The following MEI4 variants were observed in gnomAD, a reference collection of about 807,000 sequenced individuals.
MEI4 encodes meiotic double-stranded break formation protein 4.
MEI4 carries 27 observed loss-of-function variants against 31.4 expected under a neutral mutation model. The observed-to-expected ratio is 0.86, with a 90% CI of 0.63 to 1.19. The LOEUF is 1.19. Among genes scored for constraint, MEI4 ranks in the 50% most tolerant of loss-of-function variants. MEI4 has a pLI of 0.00. For synonymous variants in MEI4, 122 were observed against 145.4 expected (o/e 0.84, Z 1.16); for missense variants, 329 against 398.9 (o/e 0.82, Z 1.49).
chr6:77,910,515 T>C (rs1418162828), intron 4 of MEI4, among the ~76,000 whole-genome samples: 1 of 152,120 alleles, frequency 6.6e-6, no homozygotes, highest in African/African-American at 2.4e-5. Context: ...AAGGACCTCT[T>C]CAAGGAGAAC....
At chr6:77,745,412 AG>A (rs1183959370) in intron 2 of MEI4, among the ~76,000 whole-genome samples, 3 of 152,244 alleles carry the variant, frequency 2.0e-5, no homozygotes, top group Non-Finnish European at 4.4e-5. Context: ...TTCAACAAAA[AG>A]AGCTAACTAT....
chr6:77,707,715 G>A (rs913707751), intron 2 of MEI4, among the ~76,000 whole-genome samples: 3 of 152,178 alleles, frequency 2.0e-5, no homozygotes, highest in Non-Finnish European at 4.4e-5. Context: ...TCAGGCCCAG[G>A]GCTCTGCTGC....
intron 4 of MEI4, among the ~76,000 whole-genome samples, chr6:77,897,935 GGAGA>G (rs991422636): frequency 2.0e-5 from 3 of 151,848 alleles, no homozygotes; most frequent in African/African-American, 7.3e-5. Flanking sequence ...TAGGTTATGG[GGAGA>G]GAGAGAGAAT....
At chr6:77,821,871 G>T (rs1196071181) in intron 3 of MEI4, among the ~76,000 whole-genome samples, 1 of 143,130 alleles carries the variant, frequency 7.0e-6, no homozygotes, top group Non-Finnish European at 1.5e-5. Context: ...GGGGTGATTT[G>T]TGCTGGCACA....
At chr6:77,843,126 A>C (rs1426157391) in intron 4 of MEI4, among the ~76,000 whole-genome samples, 1 of 151,736 alleles carries the variant, frequency 6.6e-6, no homozygotes, top group Admixed American at 6.6e-5. Flanking sequence ...TGATGTCTCA[A>C]AATGTAGAGT....
At chr6:77,668,091 C>T (rs1768671708) in intron 1 of MEI4, among the ~76,000 whole-genome samples, 1 of 150,806 alleles carries the variant, frequency 6.6e-6, no homozygotes, top group Non-Finnish European at 1.5e-5. Flanking sequence ...CTGATTATGT[C>T]CACCACCAAA....
At chr6:77,790,527 C>G (rs1475144037) in intron 3 of MEI4, among the ~76,000 whole-genome samples, 1 of 151,778 alleles carries the variant, frequency 6.6e-6, no homozygotes, top group East Asian at 1.9e-4. Flanking sequence ...ACTTATGTAG[C>G]AAACCTGCAC....
At chr6:77,709,665 T>C (rs1276337734) in intron 2 of MEI4, among the ~76,000 whole-genome samples, 1 of 152,210 alleles carries the variant, frequency 6.6e-6, no homozygotes, top group Non-Finnish European at 1.5e-5. Context: ...TCCTTTGATA[T>C]TCTAATAAAA....
chr6:77,694,168 T>A (rs1005074164), intron 2 of MEI4, among the ~76,000 whole-genome samples: 1 of 152,100 alleles, frequency 6.6e-6, no homozygotes, highest in Admixed American at 6.6e-5. Flanking sequence ...ATAATCATGT[T>A]ATGCTAAACA....
At chr6:77,656,412 A>G (rs1298980363) in intron 1 of MEI4, among the ~76,000 whole-genome samples, 1 of 152,022 alleles carries the variant, frequency 6.6e-6, no homozygotes, top group East Asian at 1.9e-4. Context: ...ATTGTTTATG[A>G]TCCATTCCTT....
At chr6:77,893,748 G>GC (rs1229393211) in intron 4 of MEI4, among the ~76,000 whole-genome samples, 1 of 152,148 alleles carries the variant, frequency 6.6e-6, no homozygotes, top group African/African-American at 2.4e-5. Flanking sequence ...AGCCACTAAT[G>GC]CAAGAAAGCT....
At position 77,811,509 on chromosome 6, in the gene MEI4, A is replaced by G. The variant is rs116137384; in HGVS notation, c.769-17422A>G. Among the ~76,000 whole-genome samples, 536 of 152,250 alleles carry G rather than the reference A, an allele frequency of 3.5e-3. 3 individuals are homozygous for G. The highest frequency in any genetic ancestry group is 0.013 in the African/African-American group (522 of 41,550). The stretch of plus-strand genomic sequence containing the variant: ...CCATGTTAGAAGTAAATCTTAATGT[A>G]TTTTAACATTTTGATGCCAGCACTT... On this transcript the variant is annotated intron_variant, in intron 3 of 4. Transcript: ENST00000684080.
chr6:77,694,480 T>C (rs920682507), intron 2 of MEI4, among the ~76,000 whole-genome samples: 1 of 151,486 alleles, frequency 6.6e-6, no homozygotes, highest in African/African-American at 2.4e-5. Flanking sequence ...TTCTCATTGT[T>C]CAATTCCCAC....
At chr6:77,787,004 T>A (rs1292496316) in intron 3 of MEI4, among the ~76,000 whole-genome samples, 1 of 152,190 alleles carries the variant, frequency 6.6e-6, no homozygotes, top group African/African-American at 2.4e-5. Flanking sequence ...TTGACAACAC[T>A]GGACGCACAG....
intron 2 of MEI4, among the ~76,000 whole-genome samples, chr6:77,755,795 G>T (rs1185267002): frequency 2.6e-5 from 4 of 151,182 alleles, no homozygotes; most frequent in Non-Finnish European, 4.4e-5. Context: ...TAAAAAACAT[G>T]AAACAATATG....
Position 77,761,347 on chromosome 6 carries a change from C to T in MEI4, c.450C>T (p.His150=). 8.1e-7 allele frequency: 1 copy of T among 1,232,534 alleles called. No homozygotes were observed. The highest frequency in any genetic ancestry group is 1.0e-6 in the Non-Finnish European group (1 of 988,038). The allele number at this position is 1,232,534 out of a possible 1,614,324, so 76.3% of individuals were successfully genotyped here. A position where few individuals can be genotyped will look rare whatever the true frequency, so the allele number is the denominator to read the frequency against. The change falls in exon 3 of 5, where the codon CAC becomes CAT. Residue 150 remains histidine, a synonymous_variant. Coordinates refer to ENST00000684080, the MANE Select transcript of MEI4 (RefSeq NM_001322247.2). ...CAILQNPLSS[H]MQFLQYLLEL... ...TCCTGCAAAATCCTTTGTCTTCTCA[C>T]ATGCAATTCTTGCAATATCTACTTG...
chr6:77,797,342 C>T (rs1168072278), intron 3 of MEI4, among the ~76,000 whole-genome samples: 1 of 152,140 alleles, frequency 6.6e-6, no homozygotes, highest in Non-Finnish European at 1.5e-5. Flanking sequence ...AGTGGGACTG[C>T]ATCAACCTAA....
At chr6:77,735,002 C>T (rs1485381320) in intron 2 of MEI4, among the ~76,000 whole-genome samples, 1 of 152,010 alleles carries the variant, frequency 6.6e-6, no homozygotes, top group Non-Finnish European at 1.5e-5. Flanking sequence ...GCCGAGAGAT[C>T]CGCTGTTAGT....
At chr6:77,883,745 A>ATATATATATCTATCTAT (rs55947073) in intron 4 of MEI4, among the ~76,000 whole-genome samples, 36 of 82,310 alleles carry the variant, frequency 4.4e-4, no homozygotes, top group African/African-American at 1.6e-3. Flanking sequence ...TATATATATA[A>ATATATATATCTATCTAT]CTTTGTCTTT....
Sources: gnomAD v4.1 joint callset for allele counts (sites outside exome capture counted in the v4.1 genomes callset) on GRCh38, gnomAD v4.1.1 for gene constraint, MANE v1.5 for transcripts, NCBI Gene and HGNC (gene_info 2026-07-23, HGNC 2026-07-21) for gene names.